CORO2A: variants seen among roughly 807,000 people sequenced by gnomAD.
CORO2A encodes the protein coronin 2A.
Under a neutral mutation model 62.4 loss-of-function variants are expected in CORO2A, and 47 were observed. That is an observed-to-expected ratio of 0.75 (90% CI 0.60 to 0.96). The LOEUF (loss-of-function observed/expected upper bound fraction) is 0.96. CORO2A is among the 40% of genes least tolerant of loss of function. CORO2A has a pLI of 0.00. For synonymous variants in CORO2A, 273 were observed against 268.9 expected (o/e 1.02, Z -0.15); for missense variants, 610 against 684.1 (o/e 0.89, Z 1.21).
intron 1 of CORO2A, among the ~76,000 whole-genome samples, chr9:98,174,038 T>C (rs1272701314): frequency 1.3e-5 from 2 of 151,190 alleles, no homozygotes; most frequent in South Asian, 2.1e-4. Context: ...ACCTGGGAGG[T>C]GGAGGTTGCT....
chr9:98,130,268 G>A (rs117976306), intron 7 of CORO2A, among the ~76,000 whole-genome samples: 2,379 of 151,888 alleles, frequency 0.016, 53 homozygotes, highest in Non-Finnish European at 0.018. Context: ...TTTCATTTTC[G>A]TAGACATGGG....
intron 6 of CORO2A, among the ~76,000 whole-genome samples, chr9:98,131,418 T>C (rs1402037317): frequency 2.0e-5 from 3 of 151,928 alleles, no homozygotes; most frequent in Admixed American, 6.6e-5. Context: ...CTCAAACTCT[T>C]GGGCTCAAGC....
chr9:98,185,638 C>T (rs1828229811), intron 1 of CORO2A, among the ~76,000 whole-genome samples: 2 of 152,216 alleles, frequency 1.3e-5, no homozygotes, highest in Non-Finnish European at 2.9e-5. Flanking sequence ...GGGCTCAATT[C>T]CCCAGCCTGG....
intron 1 of CORO2A, among the ~76,000 whole-genome samples, chr9:98,170,857 T>C (rs762266399): frequency 6.6e-6 from 1 of 152,172 alleles, no homozygotes; most frequent in Non-Finnish European, 1.5e-5. Flanking sequence ...TGCCCACCTG[T>C]TAGGACGGTC....
chr9:98,156,981 C>T (rs974645277), intron 2 of CORO2A, among the ~76,000 whole-genome samples: 9 of 152,126 alleles, frequency 5.9e-5, no homozygotes, highest in African/African-American at 2.2e-4. Context: ...GGGGTCAAAC[C>T]AGTTGAATAT....
At chr9:98,150,659 G>C (rs551572811) in intron 2 of CORO2A, among the ~76,000 whole-genome samples, 9 of 152,192 alleles carry the variant, frequency 5.9e-5, no homozygotes, top group Non-Finnish European at 1.2e-4. Context: ...GTTAGAAACA[G>C]TGACAGTTCT....
At chr9:98,171,619 A>G (rs1479830772) in intron 1 of CORO2A, among the ~76,000 whole-genome samples, 1 of 152,096 alleles carries the variant, frequency 6.6e-6, no homozygotes, top group Non-Finnish European at 1.5e-5. Flanking sequence ...GGCCCCCGGG[A>G]GGATACGACT....
chr9:98,133,379 A>C (rs576775544), intron 4 of CORO2A, among the ~76,000 whole-genome samples, 162 bp from the exon 5 acceptor site: 28 of 152,294 alleles, frequency 1.8e-4, no homozygotes, highest in African/African-American at 6.5e-4. Context: ...TGCAGGCTGA[A>C]GCTGCTTGTG....
At position 98,129,901 on chromosome 9, in the gene CORO2A, G is replaced by C; in HGVS notation, c.871-11C>G. 1 of 1,606,964 alleles carries C rather than the reference G, an allele frequency of 6.2e-7. No homozygotes were observed. On this transcript the variant is annotated splice_polypyrimidine_tract_variant and intron_variant, in intron 7 of 11. Transcript: ENST00000375077. ...GATGTTGCCATCTCCCTGAGGAGGA[G>C]GAGAAGGAAGAGGAGGGTGAGATTC...
intron 1 of CORO2A, among the ~76,000 whole-genome samples, chr9:98,168,945 C>T (rs1395593961): frequency 2.6e-5 from 4 of 152,146 alleles, no homozygotes; most frequent in African/African-American, 4.8e-5. Context: ...TGCATCTCTC[C>T]GGGCTGGGTT....
intron 1 of CORO2A, among the ~76,000 whole-genome samples, chr9:98,175,393 G>C (rs555921718): frequency 6.6e-6 from 1 of 152,312 alleles, no homozygotes; most frequent in Admixed American, 6.5e-5. Context: ...TGAGGGACCA[G>C]GGACCCCCTA....
chr9:98,131,394 T>C (rs1054112291), intron 6 of CORO2A, among the ~76,000 whole-genome samples: 2 of 151,258 alleles, frequency 1.3e-5, no homozygotes, highest in Non-Finnish European at 2.9e-5. Context: ...GGTGCGATCA[T>C]AGCTCACTGC....
chr9:98,132,826 T>C (rs991417294), intron 5 of CORO2A, among the ~76,000 whole-genome samples: 1 of 152,206 alleles, frequency 6.6e-6, no homozygotes, highest in Non-Finnish European at 1.5e-5. Flanking sequence ...GTGAGTCATT[T>C]CATCTCTCAC....
At position 98,137,690 on chromosome 9, in the gene CORO2A, T is replaced by A; in HGVS notation, c.202-2A>T. ...GTAGTGGGGGTCCAACTTCCCTGTC[T>A]GCAAGACAGTGCCCAGGAGGGTTGG... On this transcript the variant is annotated splice_acceptor_variant, in intron 2 of 11. Transcript: ENST00000375077. LOFTEE classifies it high-confidence loss of function. 6.2e-7 allele frequency: 1 copy of A among 1,610,700 alleles called. No homozygotes were observed. The highest frequency in any genetic ancestry group is 8.5e-7 in the Non-Finnish European group (1 of 1,176,806).
intron 2 of CORO2A, 39 bp from the exon 3 acceptor site, chr9:98,137,727 A>T: frequency 6.9e-7 from 1 of 1,447,028 alleles, no homozygotes; most frequent in Non-Finnish European, 9.7e-7. Context: ...GAGGAGGTGG[A>T]TTCCACATTA....
chr9:98,186,063 A>G (rs1353923742), intron 1 of CORO2A, among the ~76,000 whole-genome samples: 1 of 152,260 alleles, frequency 6.6e-6, no homozygotes, highest in Admixed American at 6.5e-5. Context: ...GGGCAGGGTC[A>G]TGCCATTTGC....
Position 98,128,588 on chromosome 9 carries a change from C to A in CORO2A, c.1080+19G>T, listed in dbSNP as rs991541258. On this transcript the variant is annotated intron_variant, in intron 9 of 11. Coordinates refer to ENST00000375077, the MANE Select transcript of CORO2A (RefSeq NM_052820.4). ...ACAGGTTCCCCACCTGCCTCCCATG[C>A]GGTCCCGACTGCCCTTACCCGCCGG... 2.5e-6 allele frequency: 4 copies of A among 1,605,202 alleles called. No individual in the cohort carries two copies. Among genetic ancestry groups the A allele is most frequent in the East Asian group, 2.2e-5 (1 of 44,830 alleles).
At chr9:98,132,351 G>T in intron 5 of CORO2A, 50 bp from the exon 6 acceptor site, 1 of 1,513,822 alleles carries the variant, frequency 6.6e-7, no homozygotes, top group Non-Finnish European at 9.2e-7. Flanking sequence ...AGGATCGGGG[G>T]CAGCTGGGGT....
intron 1 of CORO2A, among the ~76,000 whole-genome samples, chr9:98,177,833 C>T (rs913540742): frequency 2.0e-5 from 3 of 151,764 alleles, no homozygotes; most frequent in African/African-American, 7.3e-5. Flanking sequence ...AAAACGTATA[C>T]ACAGAGTGAG....
Sources: gnomAD v4.1 joint callset for allele counts (sites outside exome capture counted in the v4.1 genomes callset) on GRCh38, gnomAD v4.1.1 for gene constraint, MANE v1.5 for transcripts, NCBI Gene and HGNC (gene_info 2026-07-23, HGNC 2026-07-21) for gene names.